ENOX1: variants seen among roughly 807,000 people sequenced by gnomAD.
The protein encoded by ENOX1 is ecto-NOX disulfide-thiol exchanger 1, also known as candidate growth-related and time keeping constitutive hydroquinone (NADH) oxidase.
In ENOX1, 42 loss-of-function variants were observed where a neutral mutation model predicts 82.5. The ratio of observed to expected loss-of-function variants is 0.51; its 90% CI spans 0.40 to 0.66. ENOX1 has a LOEUF of 0.66. Among genes scored for constraint, ENOX1 ranks in the 30% least tolerant of loss-of-function variants. The pLI is 0.00. For synonymous variants in ENOX1, 271 were observed against 282.2 expected (o/e 0.96, Z 0.40); for missense variants, 608 against 811.6 (o/e 0.75, Z 3.05).
intron 1 of ENOX1, among the ~76,000 whole-genome samples, chr13:43,701,464 C>T (rs1566793421): frequency 6.6e-6 from 1 of 152,106 alleles, no homozygotes; most frequent in Non-Finnish European, 1.5e-5. Flanking sequence ...GGTTTATCTG[C>T]TCATAACTGT....
chr13:43,265,766 A>G (rs2044336865), intron 13 of ENOX1, among the ~76,000 whole-genome samples: 1 of 152,224 alleles, frequency 6.6e-6, no homozygotes, highest in Admixed American at 6.5e-5. Flanking sequence ...AAATGATTTC[A>G]TTTCCTAGTT....
At position 43,786,492 on chromosome 13, in the gene ENOX1, G is replaced by GTGGGGTGGT. The variant is rs1952636431; in HGVS notation, c.-285+159_-285+160insACCACCCCA. Among the ~76,000 whole-genome samples, 1 of 151,752 alleles carries GTGGGGTGGT rather than the reference G, an allele frequency of 6.6e-6. No individual in the cohort carries two copies. Among genetic ancestry groups the GTGGGGTGGT allele is most frequent in the Non-Finnish European group, 1.5e-5 (1 of 67,876 alleles). ...TGCACCGAAGCCCCCACGCGTCCAC[G>GTGGGGTGGT]CACCCCTCCTCACCAGCCTCACCTC... On this transcript the variant is annotated intron_variant, in intron 1 of 16. Coordinates refer to ENST00000690772, the MANE Select transcript of ENOX1 (RefSeq NM_001347969.2). This position sits in a 1 kb window ranked among gnomAD's most constrained non-coding sequence, Gnocchi z 6.0.
intron 2 of ENOX1, among the ~76,000 whole-genome samples, chr13:43,611,518 A>G (rs983761399): frequency 6.6e-6 from 1 of 152,200 alleles, no homozygotes; most frequent in South Asian, 2.1e-4. Context: ...AAGATCCACA[A>G]TACTCCCTGA....
intron 1 of ENOX1, among the ~76,000 whole-genome samples, chr13:43,717,041 T>C (rs1391561085): frequency 6.6e-6 from 1 of 152,078 alleles, no homozygotes; most frequent in Non-Finnish European, 1.5e-5. Flanking sequence ...GAAAAATCTA[T>C]TCTAAAATTC....
At chr13:43,281,818 C>T (rs1199440279) in intron 12 of ENOX1, among the ~76,000 whole-genome samples, 3 of 152,006 alleles carry the variant, frequency 2.0e-5, no homozygotes, top group Non-Finnish European at 4.4e-5. Context: ...ATAGGGAGAC[C>T]ACGTTTTTAG....
intron 2 of ENOX1, among the ~76,000 whole-genome samples, chr13:43,596,254 G>T (rs561426069): frequency 1.3e-4 from 20 of 152,356 alleles, no homozygotes; most frequent in African/African-American, 4.1e-4. Flanking sequence ...TCACTACCAT[G>T]ACAACTGAAG....
At chr13:43,562,097 T>A (rs994113678) in intron 2 of ENOX1, among the ~76,000 whole-genome samples, 1 of 152,046 alleles carries the variant, frequency 6.6e-6, no homozygotes, top group African/African-American at 2.4e-5. Context: ...CCACTCATCT[T>A]CCTCATAGGA....
intron 2 of ENOX1, among the ~76,000 whole-genome samples, chr13:43,573,141 A>G (rs985144168): frequency 7.9e-5 from 12 of 152,208 alleles, no homozygotes; most frequent in Non-Finnish European, 1.6e-4. Flanking sequence ...GAAATCACAT[A>G]AAGCATGGAG....
chr13:43,465,255 CTATT>C (rs1301216891), intron 3 of ENOX1, among the ~76,000 whole-genome samples: 1 of 152,110 alleles, frequency 6.6e-6, no homozygotes, highest in South Asian at 2.1e-4. Flanking sequence ...AAGAAAGACT[CTATT>C]TATTTATTTG....
rs186990922 is a variant in ENOX1, at chr13:43,621,546, T to A, written c.-219+45933A>T. Among the ~76,000 whole-genome samples, 15 of 152,276 alleles carry A rather than the reference T, an allele frequency of 9.9e-5. No homozygotes were observed. The East Asian group carries it at 2.7e-3, about 27-fold the overall frequency. ...CACTGGATATAAAATTCTTGGCTGA[T>A]AATTGTTTTGTTTGAGAAGGCTGAA... On this transcript the variant is annotated intron_variant, in intron 2 of 16. Transcript: ENST00000690772.
rs997328 is a variant in ENOX1, at chr13:43,609,313, A to T, written c.-219+58166T>A. Among the ~76,000 whole-genome samples, 443 of 152,334 alleles carry T rather than the reference A, an allele frequency of 2.9e-3. 1 individual carries two copies. Among genetic ancestry groups the T allele is most frequent in the African/African-American group, 0.01 (429 of 41,592 alleles). ...ATCTACACCTTAATAACTCATTTGC[A>T]ACTGTATAGATAGCTTAAAGGTTCT... is the stretch of plus-strand genomic sequence containing the variant. On this transcript the variant is annotated intron_variant, in intron 2 of 16. Coordinates refer to ENST00000690772, the MANE Select transcript of ENOX1 (RefSeq NM_001347969.2).
At chr13:43,455,413 T>A (rs1014542704) in intron 3 of ENOX1, among the ~76,000 whole-genome samples, 1 of 152,216 alleles carries the variant, frequency 6.6e-6, no homozygotes, top group Non-Finnish European at 1.5e-5. Flanking sequence ...AATGAGCTAA[T>A]GAGAATCTTT....
At chr13:43,470,178 CTA>C (rs5803180) in intron 3 of ENOX1, among the ~76,000 whole-genome samples, 2 of 81,220 alleles carry the variant, frequency 2.5e-5, no homozygotes, top group Non-Finnish European at 6.6e-5. Flanking sequence ...AGTTTTCAAA[CTA>C]TATGTGTGTG....
intron 1 of ENOX1, among the ~76,000 whole-genome samples, chr13:43,712,975 A>G (rs1311228907): frequency 6.6e-6 from 1 of 152,168 alleles, no homozygotes; most frequent in Non-Finnish European, 1.5e-5. Flanking sequence ...GAGAGAGGGC[A>G]TCCCTGTCTT....
At chr13:43,652,902 G>C (rs1010019998) in intron 2 of ENOX1, among the ~76,000 whole-genome samples, 6 of 152,248 alleles carry the variant, frequency 3.9e-5, no homozygotes, top group Non-Finnish European at 8.8e-5. Flanking sequence ...AGCTGCCTGG[G>C]AGATGCATGG....
chr13:43,442,091 A>G (rs1566229419), intron 3 of ENOX1, among the ~76,000 whole-genome samples: 2 of 152,126 alleles, frequency 1.3e-5, no homozygotes, highest in African/African-American at 2.4e-5. Context: ...GCCTCCGCAC[A>G]TGGAGCTAAA....
intron 5 of ENOX1, among the ~76,000 whole-genome samples, chr13:43,391,850 C>T (rs2052798831): frequency 6.6e-6 from 1 of 152,194 alleles, no homozygotes; most frequent in Non-Finnish European, 1.5e-5. Context: ...CATAGAATCC[C>T]TCTGTTTCAG....
chr13:43,328,417 A>G (rs1004847128), intron 9 of ENOX1, among the ~76,000 whole-genome samples: 1 of 152,220 alleles, frequency 6.6e-6, no homozygotes, highest in Non-Finnish European at 1.5e-5. Context: ...GCTCTTTGGC[A>G]TCATTTAGAA....
chr13:43,507,373 T>C lies in ENOX1; in HGVS notation c.-218-23221A>G, dbSNP rs142856615. 2.6e-5 allele frequency among the ~76,000 whole-genome samples: 4 copies of C among 152,060 alleles called. 1 individual carries two copies. The highest frequency in any genetic ancestry group is 9.6e-5 in the African/African-American group (4 of 41,504). Reference sequence around the variant, plus strand: ...TGAAGAAAAGAATCATAACCAGATATGTTTTTGTAAGAGTTCCTACAGATA... The same window carrying C: ...TGAAGAAAAGAATCATAACCAGATACGTTTTTGTAAGAGTTCCTACAGATA... On this transcript the variant is annotated intron_variant, in intron 2 of 16. Transcript: ENST00000690772.
Sources: gnomAD v4.1 joint callset for allele counts (sites outside exome capture counted in the v4.1 genomes callset) on GRCh38, gnomAD v4.1.1 for gene constraint, Gnocchi (gnomAD v3.1) non-coding constraint, MANE v1.5 for transcripts, NCBI Gene and HGNC (gene_info 2026-07-23, HGNC 2026-07-21) for gene names.